Variants in CHMP3 observed in about 807,000 individuals in gnomAD.
CHMP3 encodes charged multivesicular body protein 3.
In CHMP3, 8 loss-of-function variants were observed where a neutral mutation model predicts 27.4. The observed-to-expected ratio is 0.29, with a 90% CI of 0.17 to 0.53. CHMP3 has a LOEUF of 0.53. Among genes scored for constraint, CHMP3 ranks in the 20% least tolerant of loss-of-function variants. CHMP3 has a pLI of 0.96. For missense variants in CHMP3, 208 were observed against 271.5 expected, an observed-to-expected ratio of 0.77 and a Z score of 1.64; for synonymous variants, 86 against 85.5, an observed-to-expected ratio of 1.01 and a Z score of -0.03.
rs560791252 is a variant in CHMP3 at position 86,560,196 on chromosome 2, C to T, written c.45+3108G>A. ...AGGAGAATCCCTTGAACCCAGGAGG[C>T]GGAGGTTGCAGTGAGCTGAGATCGC... is the stretch of plus-strand genomic sequence containing the variant. On this transcript the variant is annotated intron_variant, in intron 1 of 5. Transcript: ENST00000263856. Among the ~76,000 whole-genome samples the T allele has an allele frequency of 1.5e-3, 228 of 152,002 alleles. 2 individuals carry two copies. The highest frequency in any genetic ancestry group is 5.0e-3 in the African/African-American group (206 of 41,438).
chr2:86,552,994 G>A lies in CHMP3; in HGVS notation c.45+10310C>T, dbSNP rs1170570424. Reference sequence around the variant, plus strand: ...CACATGGAGGGCAACAACACACACTGGAGCCTGTCAGCCGGGGGTGGAGAT... The same window carrying A: ...CACATGGAGGGCAACAACACACACTAGAGCCTGTCAGCCGGGGGTGGAGAT... On this transcript the variant is annotated intron_variant, in intron 1 of 5. Transcript: ENST00000263856. 2.0e-5 allele frequency among the ~76,000 whole-genome samples: 3 copies of A among 151,110 alleles called. No individual in the cohort carries two copies. The East Asian group carries it at 5.8e-4, about 29-fold the overall frequency.
At chr2:86,507,654 A>G (rs1021506459) in intron 4 of CHMP3, 61 bp from the exon 5 acceptor site, 2 of 1,439,226 alleles carry the variant, frequency 1.4e-6, no homozygotes, top group Non-Finnish European at 2.0e-6. Context: ...CAGACACCCT[A>G]CACATCACCT....
intron 2 of CHMP3, among the ~76,000 whole-genome samples, chr2:86,537,861 G>T (rs1203502088): frequency 3.3e-5 from 5 of 152,118 alleles, no homozygotes; most frequent in Admixed American, 2.6e-4. Flanking sequence ...ACAGTAAATG[G>T]TTCCCCCCAA....
rs1388143234 is a variant in CHMP3, at chr2:86,543,718, T to C, written c.46-1406A>G. Among the ~76,000 whole-genome samples, 4 of 152,324 alleles carry C rather than the reference T, an allele frequency of 2.6e-5. No homozygotes were observed. In the East Asian group the frequency reaches 7.7e-4, roughly 29 times the overall value. ...CTGCAATGCTGTTGCCAAATAACCATCATTTTCTTCTAGGGAACCTCTCTC... is the reference window on the plus strand; with the variant it reads ...CTGCAATGCTGTTGCCAAATAACCACCATTTTCTTCTAGGGAACCTCTCTC... On this transcript the variant is annotated intron_variant, in intron 1 of 5. Transcript: ENST00000263856.
intron 2 of CHMP3, among the ~76,000 whole-genome samples, chr2:86,533,010 T>TAAA (rs1675988660): frequency 6.6e-6 from 1 of 152,350 alleles, no homozygotes; most frequent in South Asian, 2.1e-4. Context: ...TGTTAGTTCT[T>TAAA]CTTTAACTGT....
chr2:86,509,238 C>G (rs4832294), intron 4 of CHMP3, among the ~76,000 whole-genome samples: 5 of 152,056 alleles, frequency 3.3e-5, no homozygotes. Context: ...ATGAGCAAGC[C>G]TGAAGGCACT....
In CHMP3 at chr2:86,524,112, A is replaced by C. The variant is rs72932363; in HGVS notation, c.286+5106T>G. Among the ~76,000 whole-genome samples the C allele has an allele frequency of 1.7e-3, 264 of 152,292 alleles. 1 individual carries two copies. Among genetic ancestry groups the C allele is most frequent in the African/African-American group, 6.1e-3 (255 of 41,572 alleles). The stretch of plus-strand genomic sequence containing the variant: ...AGGTACTAACTATTATTATCCTCAA[A>C]ATGGAACATGGGAAAGGTAAGAAAA... On this transcript the variant is annotated intron_variant, in intron 3 of 5. Coordinates refer to ENST00000263856, the MANE Select transcript of CHMP3 (RefSeq NM_016079.4).
intron 3 of CHMP3, among the ~76,000 whole-genome samples, chr2:86,523,358 G>A (rs1211554536): frequency 1.3e-5 from 2 of 152,094 alleles, no homozygotes; most frequent in South Asian, 4.2e-4. Context: ...TCTCTTTCAC[G>A]TTCTCCTAGT....
chr2:86,533,424 A>T (rs575624990), intron 2 of CHMP3, among the ~76,000 whole-genome samples: 1 of 150,860 alleles, frequency 6.6e-6, no homozygotes, highest in African/African-American at 2.4e-5. Context: ...TTTAATCTTT[A>T]TTATTTTCTT....
intron 2 of CHMP3, among the ~76,000 whole-genome samples, chr2:86,530,146 C>T (rs1346510344): frequency 2.0e-5 from 3 of 152,114 alleles, no homozygotes; most frequent in African/African-American, 4.8e-5. Context: ...GCACCCACCA[C>T]GATGCCTGGC....
rs969453756 is a variant in CHMP3, at chr2:86,504,220, CAG to C, written c.*1582_*1583del. 6 of 152,042 alleles carry C rather than the reference CAG, an allele frequency of 3.9e-5. No individual in the cohort carries two copies. The highest frequency in any genetic ancestry group is 1.5e-4 in the African/African-American group (6 of 41,370). 9.4% of individuals were successfully genotyped at this position (152,042 alleles called of 1,614,324 possible). A position where few individuals can be genotyped will look rare whatever the true frequency, so the allele number is the denominator to read the frequency against. ...TCTAAGCCCATACAATGTACAACAC[CAG>C]AGTGAATCTTCATGTAAACTATGGA... is the stretch of plus-strand genomic sequence containing the variant. On this transcript the variant is annotated 3_prime_UTR_variant, in exon 6 of 6. Coordinates refer to ENST00000263856, the MANE Select transcript of CHMP3 (RefSeq NM_016079.4).
chr2:86,557,185 G>C (rs1271562720), intron 1 of CHMP3, among the ~76,000 whole-genome samples: 1 of 152,092 alleles, frequency 6.6e-6, no homozygotes, highest in African/African-American at 2.4e-5. Context: ...CTCCTTTCCT[G>C]AATTCTCTCC....
At chr2:86,554,192 C>T (rs1677024174) in intron 1 of CHMP3, among the ~76,000 whole-genome samples, 2 of 152,326 alleles carry the variant, frequency 1.3e-5, no homozygotes, top group Non-Finnish European at 2.9e-5. Context: ...TAATCACCGA[C>T]TTCCTGGTCT....
chr2:86,558,590 TA>T, intron 1 of CHMP3, among the ~76,000 whole-genome samples: 1 of 152,306 alleles, frequency 6.6e-6, no homozygotes, highest in South Asian at 2.1e-4. Context: ...CACCATGGCC[TA>T]AATGGTACCA....
chr2:86,510,280 C>CAAG, intron 4 of CHMP3, 78 bp downstream of exon 4: 1 of 1,299,578 alleles, frequency 7.7e-7, no homozygotes, highest in Non-Finnish European at 1.1e-6. Flanking sequence ...CCCCACCCAC[C>CAAG]CTCATCCCTA....
intron 1 of CHMP3, among the ~76,000 whole-genome samples, chr2:86,554,992 G>A (rs1192031462): frequency 1.6e-4 from 25 of 151,730 alleles, no homozygotes; most frequent in Admixed American, 1.6e-3. Context: ...GATTACAGGT[G>A]CCTGCCACCA....
intron 1 of CHMP3, among the ~76,000 whole-genome samples, chr2:86,552,167 G>A (rs1367346547): frequency 6.6e-6 from 1 of 152,162 alleles, no homozygotes; most frequent in South Asian, 2.1e-4. Flanking sequence ...ACAGAATAAT[G>A]GTTAGAACTA....
chr2:86,524,906 TCTCTC>T (rs1675640867), intron 3 of CHMP3, among the ~76,000 whole-genome samples: 1 of 152,184 alleles, frequency 6.6e-6, no homozygotes, highest in Non-Finnish European at 1.5e-5. Flanking sequence ...CAATCCAACT[TCTCTC>T]CTCAGAAGTG....
intron 1 of CHMP3, among the ~76,000 whole-genome samples, chr2:86,554,837 G>A (rs1677057526): frequency 1.4e-5 from 2 of 144,370 alleles, no homozygotes; most frequent in Non-Finnish European, 3.1e-5. Context: ...GTGTGTGTGT[G>A]TGTGTGTGTA....
Sources: gnomAD v4.1 joint callset for allele counts (sites outside exome capture counted in the v4.1 genomes callset) on GRCh38, gnomAD v4.1.1 for gene constraint, MANE v1.5 for transcripts, NCBI Gene and HGNC (gene_info 2026-07-23, HGNC 2026-07-21) for gene names.